The following RGS5 variants were observed in gnomAD, a reference collection of about 807,000 sequenced individuals.
RGS5 encodes regulator of G-protein signalling 5.
A neutral mutation model predicts 18.9 loss-of-function variants in RGS5; 20 were observed. That is an observed-to-expected ratio of 1.06 (90% CI 0.74 to 1.54). The LOEUF is 1.54. Among genes scored for constraint, RGS5 ranks in the 40% most tolerant of loss-of-function variants. The pLI, the probability that RGS5 is intolerant of heterozygous loss-of-function variation, is 0.00. For synonymous variants in RGS5, 57 were observed against 76.2 expected, an observed-to-expected ratio of 0.75 and a Z score of 1.31; for missense variants, 201 against 211.8, an observed-to-expected ratio of 0.95 and a Z score of 0.32.
intron 1 of RGS5, chr1:163,211,196 A>G (rs1047870135): frequency 2.6e-5 from 4 of 152,194 alleles, no homozygotes; most frequent in Non-Finnish European, 5.9e-5. Context: ...TAAAGCAATG[A>G]GCAAAGATTT....
At chr1:163,183,658 A>G (rs1189319093) in intron 1 of RGS5, among the ~76,000 whole-genome samples, 1 of 152,220 alleles carries the variant, frequency 6.6e-6, no homozygotes, top group African/African-American at 2.4e-5. Flanking sequence ...ATTAAATTAG[A>G]TAATATCAAA....
intron 4 of RGS5, among the ~76,000 whole-genome samples, chr1:163,151,521 C>A (rs999434515): frequency 6.6e-5 from 10 of 152,188 alleles, no homozygotes; most frequent in African/African-American, 1.9e-4. Context: ...ATAATTCCCA[C>A]ATGTCAAGGG....
intron 1 of RGS5, among the ~76,000 whole-genome samples, chr1:163,310,418 A>G (rs1649823033): frequency 6.6e-6 from 1 of 151,572 alleles, no homozygotes; most frequent in Admixed American, 6.6e-5. Flanking sequence ...ACTAAAAAAT[A>G]CAAAAAATTA....
intron 2 of RGS5, among the ~76,000 whole-genome samples, chr1:163,299,991 T>A (rs1435247275): frequency 2.6e-5 from 4 of 152,214 alleles, no homozygotes; most frequent in South Asian, 2.1e-4. Flanking sequence ...TACTACAGGG[T>A]ATTAGGTCCT....
intron 2 of RGS5, among the ~76,000 whole-genome samples, chr1:163,226,032 T>A (rs1269211486): frequency 6.6e-6 from 1 of 152,074 alleles, no homozygotes; most frequent in Non-Finnish European, 1.5e-5. Context: ...AGTATTCTCC[T>A]GCCTCAGCCT....
chr1:163,204,787 A>T (rs375163368), upstream of RGS5, among the ~76,000 whole-genome samples: 133 of 152,302 alleles, frequency 8.7e-4, 3 homozygotes, highest in South Asian at 0.026. Context: ...AATATAAAAC[A>T]AGTAGAAGAG....
intron 2 of RGS5, among the ~76,000 whole-genome samples, chr1:163,296,599 ATT>A (rs1242649984): frequency 6.6e-6 from 1 of 152,212 alleles, no homozygotes; most frequent in Non-Finnish European, 1.5e-5. Flanking sequence ...TAAGGCAAAC[ATT>A]TAGAAACCTT....
intron 1 of RGS5, among the ~76,000 whole-genome samples, chr1:163,208,302 C>A (rs1327213858): frequency 1.4e-5 from 2 of 138,440 alleles, no homozygotes; most frequent in Non-Finnish European, 3.1e-5. Flanking sequence ...GAGCCGAGAT[C>A]CCGCCACTGC....
chr1:163,245,796 C>T (rs1647913470), intron 2 of RGS5, among the ~76,000 whole-genome samples: 2 of 152,176 alleles, frequency 1.3e-5, no homozygotes, highest in Non-Finnish European at 2.9e-5. Context: ...TGTGTGTGCT[C>T]AATATATAGT....
intron 3 of RGS5, among the ~76,000 whole-genome samples, chr1:163,154,628 T>C (rs1657513708): frequency 6.6e-6 from 1 of 152,028 alleles, no homozygotes; most frequent in African/African-American, 2.4e-5. Context: ...AGAATTACTT[T>C]AAAACCATTT....
chr1:163,321,480 A>T (rs1212131172), intron 1 of RGS5: 2 of 152,190 alleles, frequency 1.3e-5, no homozygotes, highest in Non-Finnish European at 2.9e-5. Context: ...CCCTCACCTG[A>T]GGGGATGATA....
At chr1:163,183,643 T>C (rs2102418568) in intron 1 of RGS5, among the ~76,000 whole-genome samples, 1 of 152,322 alleles carries the variant, frequency 6.6e-6, no homozygotes, top group Non-Finnish European at 1.5e-5. Flanking sequence ...AAGATTATGC[T>C]AAGAATTAAA....
intron 2 of RGS5, among the ~76,000 whole-genome samples, chr1:163,270,795 AT>A (rs1369431476): frequency 3.3e-5 from 5 of 152,328 alleles, no homozygotes; most frequent in Non-Finnish European, 5.9e-5. Context: ...TAAATTTCCC[AT>A]GAACTTTTCC....
At chr1:163,199,248 C>T (rs1421987641) in intron 1 of RGS5, among the ~76,000 whole-genome samples, 1 of 151,966 alleles carries the variant, frequency 6.6e-6, no homozygotes, top group African/African-American at 2.4e-5. Context: ...TATTCATTGC[C>T]CAAATGTTTG....
chr1:163,222,134 A>G (rs1486282773), upstream of RGS5, among the ~76,000 whole-genome samples: 2 of 151,960 alleles, frequency 1.3e-5, no homozygotes, highest in Admixed American at 6.6e-5. Flanking sequence ...GGGGTCCCCA[A>G]CCCCCAGGCC....
chr1:163,167,665 T>G (rs965355614), intron 2 of RGS5, among the ~76,000 whole-genome samples: 2 of 152,192 alleles, frequency 1.3e-5, no homozygotes, highest in African/African-American at 4.8e-5. Flanking sequence ...GAAAAATACC[T>G]GGTGTACATT....
At chr1:163,319,349 T>C (rs916236095) in intron 1 of RGS5, 3 of 152,238 alleles carry the variant, frequency 2.0e-5, no homozygotes, top group Non-Finnish European at 4.4e-5. Context: ...AAATTGCAGA[T>C]GCATACGAAT....
intron 2 of RGS5, among the ~76,000 whole-genome samples, chr1:163,168,009 C>A (rs973927611): frequency 6.6e-6 from 1 of 151,930 alleles, no homozygotes; most frequent in Non-Finnish European, 1.5e-5. Flanking sequence ...GTATGTCTGT[C>A]TCTCAAAAAT....
At chr1:163,189,743 G>T (rs1034657165) in intron 1 of RGS5, among the ~76,000 whole-genome samples, 1 of 152,154 alleles carries the variant, frequency 6.6e-6, no homozygotes, top group Non-Finnish European at 1.5e-5. Flanking sequence ...AGGGTCTCTG[G>T]GCTTGACCCC....
Sources: gnomAD v4.1 joint callset for allele counts (sites outside exome capture counted in the v4.1 genomes callset) on GRCh38, gnomAD v4.1.1 for gene constraint, MANE v1.5 for transcripts, NCBI Gene and HGNC (gene_info 2026-07-23, HGNC 2026-07-21) for gene names.